The following CLYBL variants were observed in gnomAD, a reference collection of about 807,000 sequenced individuals.
The protein encoded by CLYBL is citramalyl-CoA lyase.
A neutral mutation model predicts 38.9 loss-of-function variants in CLYBL; 31 were observed. That is an observed-to-expected ratio of 0.80 (90% CI 0.60 to 1.08). CLYBL has a LOEUF of 1.08. CLYBL is among the 50% of genes least tolerant of loss of function. The pLI is 0.00. For synonymous variants in CLYBL, 171 were observed against 158.6 expected (o/e 1.08, Z -0.59); for missense variants, 434 against 411.6 (o/e 1.05, Z -0.47).
intron 1 of CLYBL, among the ~76,000 whole-genome samples, chr13:99,728,996 A>G (rs9517863): frequency 0.22 from 34,057 of 152,142 alleles, 4,135 homozygotes; most frequent in East Asian, 0.48. Flanking sequence ...TTCTTTCCTC[A>G]TAATTGTGTT....
chr13:99,795,957 T>C (rs555176610), intron 2 of CLYBL, among the ~76,000 whole-genome samples: 23 of 152,208 alleles, frequency 1.5e-4, no homozygotes, highest in Admixed American at 7.2e-4. Context: ...CAGGGTGGAA[T>C]GTTGTCAAGA....
At chr13:99,728,094 CAATATT>C (rs890474089) in intron 1 of CLYBL, among the ~76,000 whole-genome samples, 1 of 151,898 alleles carries the variant, frequency 6.6e-6, no homozygotes, top group African/African-American at 2.4e-5. Flanking sequence ...AAAATATAGA[CAATATT>C]AGTATTAATA....
At chr13:99,847,655 A>C (rs1157363397) in intron 2 of CLYBL, among the ~76,000 whole-genome samples, 4 of 152,194 alleles carry the variant, frequency 2.6e-5, no homozygotes, top group Non-Finnish European at 5.9e-5. Flanking sequence ...AGAGGAGCCC[A>C]CCTGAGAAAC....
intron 1 of CLYBL, among the ~76,000 whole-genome samples, chr13:99,696,634 T>G (rs1293178799): frequency 6.6e-6 from 1 of 151,828 alleles, no homozygotes; most frequent in African/African-American, 2.4e-5. Context: ...AGGCCTAGAC[T>G]TGGGAAAGAA....
intron 1 of CLYBL, among the ~76,000 whole-genome samples, chr13:99,607,056 C>A (rs1044376223): frequency 6.6e-6 from 1 of 152,208 alleles, no homozygotes; most frequent in Non-Finnish European, 1.5e-5. Context: ...AACGTGAACG[C>A]GCCAGTCTTT....
chr13:99,839,899 A>G (rs955733986), intron 2 of CLYBL, among the ~76,000 whole-genome samples: 20 of 152,026 alleles, frequency 1.3e-4, no homozygotes, highest in African/African-American at 4.8e-4. Flanking sequence ...GTGCTATCAA[A>G]TACTTGGTCT....
chr13:99,753,405 G>T (rs2048993113), intron 1 of CLYBL, among the ~76,000 whole-genome samples: 1 of 152,186 alleles, frequency 6.6e-6, no homozygotes, highest in Non-Finnish European at 1.5e-5. Context: ...TCGGGAGTAA[G>T]GTGGTGGTGT....
intron 1 of CLYBL, among the ~76,000 whole-genome samples, chr13:99,671,779 CAA>C (rs753315768): frequency 6.8e-5 from 6 of 88,688 alleles, no homozygotes; most frequent in Admixed American, 3.6e-4. Flanking sequence ...GACTCTTTCT[CAA>C]AAAAAAAAAA....
At chr13:99,704,117 T>G (rs2048110936) in intron 1 of CLYBL, among the ~76,000 whole-genome samples, 1 of 152,226 alleles carries the variant, frequency 6.6e-6, no homozygotes, top group Non-Finnish European at 1.5e-5. Flanking sequence ...CTTCTTTATA[T>G]TGTTAATGAC....
chr13:99,682,948 G>A, intron 1 of CLYBL, among the ~76,000 whole-genome samples: 1 of 152,022 alleles, frequency 6.6e-6, no homozygotes, highest in Admixed American at 6.6e-5. Flanking sequence ...ATGTTGGCCA[G>A]GCTGGTCTCG....
At chr13:99,652,756 C>G (rs1277021981) in intron 1 of CLYBL, among the ~76,000 whole-genome samples, 1 of 152,240 alleles carries the variant, frequency 6.6e-6, no homozygotes, top group Non-Finnish European at 1.5e-5. Context: ...GGAGAAGCCA[C>G]TCAGAGGCCT....
At chr13:99,889,820 C>T (rs978479758) in intron 7 of CLYBL, among the ~76,000 whole-genome samples, 5 of 152,160 alleles carry the variant, frequency 3.3e-5, no homozygotes, top group Admixed American at 1.3e-4. Context: ...ACTCCTGTCC[C>T]GGCAGCCCTG....
At chr13:99,691,653 T>A (rs2047904665) in intron 1 of CLYBL, among the ~76,000 whole-genome samples, 1 of 151,970 alleles carries the variant, frequency 6.6e-6, no homozygotes, top group South Asian at 2.1e-4. Flanking sequence ...TTTAGTGTAA[T>A]CACTGTACGT....
At chr13:99,782,525 TA>T (rs939286463) in intron 2 of CLYBL, among the ~76,000 whole-genome samples, 2 of 151,880 alleles carry the variant, frequency 1.3e-5, no homozygotes, top group Non-Finnish European at 2.9e-5. Context: ...AAGTTTATAA[TA>T]AAAAAAATTT....
At chr13:99,819,452 ATATATATATATATAT>A (rs1566340231) in intron 2 of CLYBL, among the ~76,000 whole-genome samples, 8,097 of 82,942 alleles carry the variant, frequency 0.098, 611 homozygotes, top group East Asian at 0.16. Flanking sequence ...ATATATATAT[ATATATATATATATAT>A]AATATTTGTC....
chr13:99,887,307 G>T (rs1371606578), intron 7 of CLYBL, among the ~76,000 whole-genome samples: 1 of 152,134 alleles, frequency 6.6e-6, no homozygotes, highest in Non-Finnish European at 1.5e-5. Flanking sequence ...CAATCACCAG[G>T]CCCCTAAGAG....
intron 6 of CLYBL, among the ~76,000 whole-genome samples, chr13:99,870,537 T>C (rs1188737265): frequency 3.3e-5 from 5 of 152,216 alleles, no homozygotes; most frequent in Non-Finnish European, 7.3e-5. Context: ...TTATAAAATT[T>C]GAGAGAATTC....
chr13:99,889,860 G>A (rs2052443468), intron 7 of CLYBL, among the ~76,000 whole-genome samples: 1 of 152,096 alleles, frequency 6.6e-6, no homozygotes, highest in South Asian at 2.1e-4. Context: ...GTTGGGAATT[G>A]GTACTTGTGA....
chr13:99,797,724 G>A (rs1041107712), intron 2 of CLYBL, among the ~76,000 whole-genome samples: 1 of 152,142 alleles, frequency 6.6e-6, no homozygotes, highest in Non-Finnish European at 1.5e-5. Context: ...TAGCACGCCT[G>A]TGCAACTTGC....
Sources: allele counts gnomAD v4.1 joint callset (sites outside exome capture counted in the v4.1 genomes callset), GRCh38; gene constraint gnomAD v4.1.1; transcripts MANE v1.5; gene names NCBI Gene and HGNC (gene_info 2026-07-23, HGNC 2026-07-21).